PARD3B: variants seen among roughly 807,000 people sequenced by gnomAD.
PARD3B encodes partitioning defective 3 homolog B.
PARD3B carries 103 observed loss-of-function variants against 130.2 expected under a neutral mutation model. The observed-to-expected ratio is 0.79, with a 90% CI of 0.67 to 0.93. The LOEUF is 0.93. Ranked by LOEUF, PARD3B falls within the 40% of genes least tolerant of loss-of-function variation. The pLI is 0.00. For missense variants in PARD3B, 1,609 were observed against 1,499.2 expected (o/e 1.07, Z -1.21); for synonymous variants, 583 against 553.2 (o/e 1.05, Z -0.76).
intron 2 of PARD3B, among the ~76,000 whole-genome samples, chr2:204,787,588 T>A (rs2042056244): frequency 6.6e-6 from 1 of 152,200 alleles, no homozygotes; most frequent in South Asian, 2.1e-4. Flanking sequence ...TTGTTTCCCA[T>A]GACCATGTAA....
chr2:205,294,091 C>T (rs2041703286), intron 16 of PARD3B, among the ~76,000 whole-genome samples: 1 of 151,940 alleles, frequency 6.6e-6, no homozygotes, highest in African/African-American at 2.4e-5. Context: ...CAGTTATTTT[C>T]TTGAATGCAG....
intron 18 of PARD3B, among the ~76,000 whole-genome samples, chr2:205,380,857 TTATA>T (rs1212490523): frequency 7.2e-5 from 7 of 96,732 alleles, no homozygotes; most frequent in African/African-American, 1.3e-4. Flanking sequence ...AAAGAATACA[TTATA>T]TATAATATAA....
At chr2:205,501,346 A>C (rs898408957) in intron 21 of PARD3B, among the ~76,000 whole-genome samples, 27 of 152,180 alleles carry the variant, frequency 1.8e-4, no homozygotes, top group African/African-American at 6.3e-4. Context: ...TATTGGTCTT[A>C]TTATAGATGT....
rs980990963 is a variant in PARD3B, at chr2:204,546,016, G to A, written c.17G>A (p.Cys6Tyr). The A allele has an allele frequency of 1.3e-5, 20 of 1,568,154 alleles. 1 individual carries two copies. In the Admixed American group the frequency reaches 1.8e-4, roughly 14 times the overall value. Residue 6 changes from cysteine to tyrosine, a missense_variant, in exon 1 of 23, where the codon TGC (cysteine) becomes TAC (tyrosine). Transcript: ENST00000406610. ...GGGGCCAGGATGAAAGTGACCGTGT[G>A]CTTCGGCAGGACGGGCATCGTGGTG... is the stretch of plus-strand genomic sequence containing the variant. MKVTV[C>Y]FGRTGIVVPC...
chr2:205,206,852 C>G (rs1380051234), intron 15 of PARD3B, among the ~76,000 whole-genome samples: 3 of 150,958 alleles, frequency 2.0e-5, no homozygotes, highest in African/African-American at 7.3e-5. Context: ...GAACTCAGCT[C>G]TGCACCAAGC....
At position 204,900,739 on chromosome 2, in the gene PARD3B, T is replaced by C. The variant is rs563381435; in HGVS notation, c.223-64413T>C. Among the ~76,000 whole-genome samples, 8 of 152,310 alleles carry C rather than the reference T, an allele frequency of 5.3e-5. No homozygotes were observed. The South Asian group carries it at 1.5e-3, about 28-fold the overall frequency. ...GGTATTTATTGTAGTCTTTGCAGTCTGCTTGTTTGTACTTGCCCTTCTTCA... is the reference window on the plus strand; with the variant it reads ...GGTATTTATTGTAGTCTTTGCAGTCCGCTTGTTTGTACTTGCCCTTCTTCA... On this transcript the variant is annotated intron_variant, in intron 2 of 22. Transcript: ENST00000406610.
chr2:205,232,303 A>G (rs1036807766), intron 15 of PARD3B, among the ~76,000 whole-genome samples: 1 of 152,058 alleles, frequency 6.6e-6, no homozygotes, highest in Non-Finnish European at 1.5e-5. Flanking sequence ...GAGTGTAAAT[A>G]TTAGCCAAGC....
intron 22 of PARD3B, among the ~76,000 whole-genome samples, chr2:205,602,207 T>C (rs1380337973): frequency 1.3e-5 from 2 of 152,250 alleles, no homozygotes; most frequent in African/African-American, 4.8e-5. Context: ...GAACCAGCCT[T>C]ACATCCCCGG....
rs990067903 is a variant in PARD3B, at chr2:205,585,386, G to C, written c.3261-30070G>C. 1.3e-5 allele frequency among the ~76,000 whole-genome samples: 2 copies of C among 152,200 alleles called. No homozygotes were observed. Among genetic ancestry groups the C allele is most frequent in the Non-Finnish European group, 2.9e-5 (2 of 68,036 alleles). The stretch of plus-strand genomic sequence containing the variant: ...AATGGCTAAAAATGATGGAGTGTGA[G>C]AGAATCCCCAGGGACCCTTTGGTAA... On this transcript the variant is annotated intron_variant, in intron 22 of 22. Transcript: ENST00000406610. This position sits in a 1 kb window ranked among gnomAD's most constrained non-coding sequence, Gnocchi z 5.4.
At chr2:205,286,434 G>A (rs1389575231) in intron 16 of PARD3B, among the ~76,000 whole-genome samples, 2 of 152,104 alleles carry the variant, frequency 1.3e-5, no homozygotes, top group Non-Finnish European at 2.9e-5. Flanking sequence ...GCCCAGATGA[G>A]ATTAAATAAC....
chr2:205,310,925 T>C (rs985580665), intron 18 of PARD3B, among the ~76,000 whole-genome samples: 2 of 152,054 alleles, frequency 1.3e-5, no homozygotes, highest in African/African-American at 4.8e-5. Context: ...AGTTTCACCA[T>C]GTTTGTCAGG....
At position 205,527,809 on chromosome 2, in the gene PARD3B, T is replaced by C. The variant is rs1016367327; in HGVS notation, c.3181-25515T>C. ...GTCTCTCTCAGGAAAAGGAGGAGGATCAAGACATACCATATTCATCTTAGG... is the reference window on the plus strand; with the variant it reads ...GTCTCTCTCAGGAAAAGGAGGAGGACCAAGACATACCATATTCATCTTAGG... On this transcript the variant is annotated intron_variant, in intron 21 of 22. Coordinates refer to ENST00000406610, the MANE Select transcript of PARD3B (RefSeq NM_001302769.2). 2.6e-4 allele frequency among the ~76,000 whole-genome samples: 40 copies of C among 152,266 alleles called. 1 individual carries two copies. Among genetic ancestry groups the C allele is most frequent in the African/African-American group, 7.0e-4 (29 of 41,546 alleles).
chr2:204,695,256 A>AT (rs536666896), intron 2 of PARD3B, among the ~76,000 whole-genome samples: 4 of 151,184 alleles, frequency 2.6e-5, no homozygotes, highest in East Asian at 1.9e-4. Context: ...TGGGACCATT[A>AT]TTTTTTTTTA....
At position 204,761,598 on chromosome 2, in the gene PARD3B, CAA is replaced by C. The variant is rs67376172; in HGVS notation, c.222+75327_222+75328del. On this transcript the variant is annotated intron_variant, in intron 2 of 22. Transcript: ENST00000406610. ...AGCTTGCATTTCTACCTAAAAATTACAAAAAAAAAAAATAGATTTTTCATGGT... is the reference window on the plus strand; with the variant it reads ...AGCTTGCATTTCTACCTAAAAATTACAAAAAAAAAATAGATTTTTCATGGT... 6.1e-3 allele frequency among the ~76,000 whole-genome samples: 899 copies of C among 146,392 alleles called. 7 individuals are homozygous for C. Among genetic ancestry groups the C allele is most frequent in the South Asian group, 0.012 (55 of 4,678 alleles).
At chr2:205,211,729 A>T (rs987465088) in intron 15 of PARD3B, among the ~76,000 whole-genome samples, 1 of 152,072 alleles carries the variant, frequency 6.6e-6, no homozygotes, top group African/African-American at 2.4e-5. Flanking sequence ...TAAAATAGAG[A>T]TCAAATTGGA....
chr2:204,587,473 T>G (rs968464496), intron 1 of PARD3B, among the ~76,000 whole-genome samples: 5 of 152,240 alleles, frequency 3.3e-5, no homozygotes, highest in Admixed American at 1.3e-4. Context: ...AGCTCTTCTA[T>G]AATCGAAATA....
rs562580781 is a variant in PARD3B at position 205,181,320 on chromosome 2, C to G, written c.1925-4444C>G. On this transcript the variant is annotated intron_variant, in intron 13 of 22. Coordinates refer to ENST00000406610, the MANE Select transcript of PARD3B (RefSeq NM_001302769.2). ...ATGTAAAGCACTACGTCTGGAATGA[C>G]TATCCAAGATTGAATTATACGTTTC... Among the ~76,000 whole-genome samples, 3 of 152,352 alleles carry G rather than the reference C, an allele frequency of 2.0e-5. 1 individual carries two copies. Among genetic ancestry groups the G allele is most frequent in the African/African-American group, 7.2e-5 (3 of 41,582 alleles).
Position 205,468,489 on chromosome 2 carries a change from G to A in PARD3B, c.3044+27817G>A, listed in dbSNP as rs372674144. Among the ~76,000 whole-genome samples, 92 of 152,264 alleles carry A rather than the reference G, an allele frequency of 6.0e-4. 1 individual carries two copies. The highest frequency in any genetic ancestry group is 2.1e-3 in the African/African-American group (87 of 41,546). ...TATTAATTTGCATTTATCACCACAA[G>A]CTTTTCTTCATGACTATTGCTGCTG... On this transcript the variant is annotated intron_variant, in intron 20 of 22. Coordinates refer to ENST00000406610, the MANE Select transcript of PARD3B (RefSeq NM_001302769.2).
chr2:204,724,052 T>C (rs559573871), intron 2 of PARD3B, among the ~76,000 whole-genome samples: 69 of 152,170 alleles, frequency 4.5e-4, no homozygotes, highest in Non-Finnish European at 8.8e-4. Context: ...AATGCTAGTC[T>C]CATTATATTC....
Sources: allele counts gnomAD v4.1 joint callset (sites outside exome capture counted in the v4.1 genomes callset), GRCh38; gene constraint gnomAD v4.1.1; non-coding constraint Gnocchi (gnomAD v3.1); transcripts MANE v1.5; gene names NCBI Gene and HGNC (gene_info 2026-07-23, HGNC 2026-07-21).